Variants in CASZ1 observed in about 807,000 individuals in gnomAD.
The protein encoded by CASZ1 is zinc finger protein castor homolog 1.
In CASZ1, 28 loss-of-function variants were observed where a neutral mutation model predicts 135.2. The ratio of observed to expected loss-of-function variants is 0.21; its 90% CI spans 0.15 to 0.28. The LOEUF (loss-of-function observed/expected upper bound fraction) is 0.28, where lower values mean the gene tolerates loss of function less well. Among genes scored for constraint, CASZ1 ranks in the 10% least tolerant of loss-of-function variants. The pLI is 1.00. For missense variants in CASZ1, 2,161 were observed against 2,453.3 expected, an observed-to-expected ratio of 0.88 and a Z score of 2.52; for synonymous variants, 1,068 against 1,073.4, an observed-to-expected ratio of 0.99 and a Z score of 0.10.
In CASZ1 at chr1:10,767,742, C is replaced by T. The variant is rs1159482902; in HGVS notation, c.-233-6885G>A. Among the ~76,000 whole-genome samples the T allele has an allele frequency of 2.0e-5, 3 of 152,140 alleles. No individual in the cohort carries two copies. Among genetic ancestry groups the T allele is most frequent in the South Asian group, 4.1e-4 (2 of 4,824 alleles). On this transcript the variant is annotated intron_variant, in intron 1 of 20. Coordinates refer to ENST00000377022, the MANE Select transcript of CASZ1 (RefSeq NM_001079843.3). This position sits in a 1 kb window ranked among gnomAD's most constrained non-coding sequence, Gnocchi z 4.2. ...TGAAAATCTGAGCCATATTTTATGA[C>T]CCACTGCAAGCAGAAAGGGCCACAT...
chr1:10,715,045 GCACACGGGC>G (rs754225942), intron 2 of CASZ1, among the ~76,000 whole-genome samples: 12 of 152,216 alleles, frequency 7.9e-5, no homozygotes, highest in Non-Finnish European at 1.8e-4. Flanking sequence ...ACTTTAGGGA[GCACACGGGC>G]TCCACCTTTC....
In CASZ1 at chr1:10,694,025, C is replaced by T. The variant is rs1205000914; in HGVS notation, c.-23-113G>A. ...CCCCCGCCCCGCAGGAGCGGCCCGT[C>T]CCGGGCGGGCGCCGAGGCCGCGGCG... On this transcript the variant is annotated intron_variant, in intron 3 of 20. Transcript: ENST00000377022. This position sits in a 1 kb window ranked among gnomAD's most constrained non-coding sequence, Gnocchi z 6.6. The T allele has an allele frequency of 2.0e-6, 2 of 990,146 alleles. No individual in the cohort carries two copies. Among genetic ancestry groups the T allele is most frequent in the African/African-American group, 1.7e-5 (1 of 57,300 alleles). 61.3% of individuals were successfully genotyped at this position (990,146 alleles called of 1,614,324 possible). A position where few individuals can be genotyped will look rare whatever the true frequency, so the allele number is the denominator to read the frequency against.
chr1:10,671,496 C>T (rs1317490696), intron 4 of CASZ1, among the ~76,000 whole-genome samples: 1 of 152,202 alleles, frequency 6.6e-6, no homozygotes, highest in African/African-American at 2.4e-5. Context: ...GAGCCTAGGA[C>T]CCCCAGGGCT....
At chr1:10,656,436 T>C (rs1412541949) in intron 8 of CASZ1, among the ~76,000 whole-genome samples, 3 of 152,186 alleles carry the variant, frequency 2.0e-5, no homozygotes, top group Admixed American at 1.3e-4. Context: ...GGGAGGTCAC[T>C]GGCCCCCAAT....
At chr1:10,651,726 G>T (rs919848060) in intron 11 of CASZ1, 1 of 152,374 alleles carries the variant, frequency 6.6e-6, no homozygotes, top group Non-Finnish European at 1.5e-5. Context: ...GGGCCATCCA[G>T]CGAGCTTTCC....
At chr1:10,768,014 G>C (rs1412963758) in intron 1 of CASZ1, among the ~76,000 whole-genome samples, 1 of 152,214 alleles carries the variant, frequency 6.6e-6, no homozygotes, top group East Asian at 1.9e-4. Context: ...TCTTGACTGA[G>C]TCAGGGGCCT....
chr1:10,654,194 G>C lies in CASZ1; in HGVS notation c.1863C>G (p.Phe621Leu), dbSNP rs760582358. The C allele has an allele frequency of 6.2e-7, 1 of 1,614,096 alleles. No individual in the cohort carries two copies. Among genetic ancestry groups the C allele is most frequent in the Non-Finnish European group, 8.5e-7 (1 of 1,180,036 alleles). The change falls in exon 11 of 21, where the codon TTC becomes TTG. Residue 621 changes from phenylalanine to leucine, a missense_variant. Physicochemically the swap from Phe to Leu is conservative, Grantham distance 22. This residue lies in a region of CASZ1 where 248 missense variants were observed against 410.8 expected (regional missense o/e 0.60). Coordinates refer to ENST00000377022, the MANE Select transcript of CASZ1 (RefSeq NM_001079843.3). ...GCTTCTCGATGTCACACTTGTTCTT[G>C]AAAGTGAATGTGCAGCCGGGGCGCC... is the stretch of plus-strand genomic sequence containing the variant. ...HCRRPGCTFTFKNKCDIEKHK... is the reference protein window; with the variant it reads ...HCRRPGCTFTLKNKCDIEKHK...
At chr1:10,728,131 A>G (rs1639631390) in intron 2 of CASZ1, among the ~76,000 whole-genome samples, 1 of 152,188 alleles carries the variant, frequency 6.6e-6, no homozygotes, top group Admixed American at 6.5e-5. Flanking sequence ...TGCCTGCCAC[A>G]TACTGTGGGC....
At chr1:10,669,952 TC>T (rs1193350549) in intron 4 of CASZ1, among the ~76,000 whole-genome samples, 6 of 152,228 alleles carry the variant, frequency 3.9e-5, no homozygotes, top group Admixed American at 3.9e-4. Context: ...TCTAAACATT[TC>T]ACTCAGTGGA....
intron 2 of CASZ1, among the ~76,000 whole-genome samples, chr1:10,728,414 A>T (rs922090094): frequency 2.0e-5 from 3 of 152,166 alleles, no homozygotes; most frequent in Non-Finnish European, 4.4e-5. Context: ...ACTATCTAAA[A>T]ATGAAAATGA....
chr1:10,653,689 G>A lies in CASZ1; in HGVS notation c.2368C>T (p.Leu790Phe). The change falls in exon 11 of 21, where the codon CTC (leucine) becomes TTC (phenylalanine). Residue 790 changes from leucine (L) to phenylalanine (F), a missense_variant. Around this residue, in one of 7 missense-constraint regions of CASZ1, gnomAD observed 406 missense variants for 387.6 expected, o/e 1.05. Coordinates refer to ENST00000377022, the MANE Select transcript of CASZ1 (RefSeq NM_001079843.3). Reference sequence around the variant, plus strand: ...GGGGTGGGCAGGCCCGAGTTGGAGAGGGCCAGGGCCAGGGGGATTGAGCCA... The same window carrying A: ...GGGGTGGGCAGGCCCGAGTTGGAGAAGGCCAGGGCCAGGGGGATTGAGCCA... Reference protein sequence around the residue: ...LPGSIPLALALSNSGLPTPTP... With the variant: ...LPGSIPLALAFSNSGLPTPTP... The A allele has an allele frequency of 1.3e-6, 2 of 1,570,434 alleles. No homozygotes were observed. The highest frequency in any genetic ancestry group is 1.7e-6 in the Non-Finnish European group (2 of 1,158,682).
At chr1:10,751,224 C>A in intron 2 of CASZ1, among the ~76,000 whole-genome samples, 1 of 152,176 alleles carries the variant, frequency 6.6e-6, no homozygotes, top group Middle Eastern at 3.4e-3. Flanking sequence ...GAATCAAAAC[C>A]AGTGAGGACA....
At chr1:10,787,532 G>A (rs1480822132) in intron 1 of CASZ1, among the ~76,000 whole-genome samples, 4 of 152,230 alleles carry the variant, frequency 2.6e-5, no homozygotes, top group Admixed American at 2.6e-4. Context: ...GGGCGGAGCT[G>A]GAGACGCTGG....
At position 10,699,718 on chromosome 1, in the gene CASZ1, G is replaced by A. The variant is rs189938520; in HGVS notation, c.-24+5774C>T. On this transcript the variant is annotated intron_variant, in intron 3 of 20. Transcript: ENST00000377022. This position sits in a 1 kb window ranked among gnomAD's most constrained non-coding sequence, Gnocchi z 4.6. ...CCTCCACTTTGGAGGGAGAGAGAAG[G>A]AGGAAAAAACCCCAAACCAAAATCC... Among the ~76,000 whole-genome samples the A allele has an allele frequency of 3.0e-3, 464 of 152,186 alleles. 1 individual carries two copies. Among genetic ancestry groups the A allele is most frequent in the Non-Finnish European group, 5.5e-3 (372 of 68,000 alleles).
At chr1:10,642,001 T>C (rs1164227961) in intron 20 of CASZ1, 1 of 149,202 alleles carries the variant, frequency 6.7e-6, no homozygotes, top group Non-Finnish European at 1.5e-5. Context: ...TGGACAGCGG[T>C]GAGAAGGCAT....
chr1:10,694,584 C>CCGCCGCCGCCGCCG lies in CASZ1; in HGVS notation c.-23-673_-23-672insCGGCGGCGGCGGCG. On this transcript the variant is annotated intron_variant, in intron 3 of 20. Coordinates refer to ENST00000377022, the MANE Select transcript of CASZ1 (RefSeq NM_001079843.3). The surrounding 1 kb of genome is among the most constrained non-coding windows in gnomAD (Gnocchi z 6.6). Reference sequence around the variant, plus strand: ...GGCAGGTGAAAGAGCAGAGCGCGGCCCCGCCGCCGCCGCCGCCGCCGCCGC... The same window carrying CCGCCGCCGCCGCCG: ...GGCAGGTGAAAGAGCAGAGCGCGGCCCGCCGCCGCCGCCGCCGCCGCCGCCGCCGCCGCCGCCGC... 1 of 137,422 alleles carries CCGCCGCCGCCGCCG rather than the reference C, an allele frequency of 7.3e-6. No homozygotes were observed. Among genetic ancestry groups the CCGCCGCCGCCGCCG allele is most frequent in the Non-Finnish European group, 1.6e-5 (1 of 63,558 alleles). The allele number at this position is 137,422 out of a possible 1,614,324, so 8.5% of individuals were successfully genotyped here.
At chr1:10,708,696 G>T (rs975811713) in intron 2 of CASZ1, among the ~76,000 whole-genome samples, 1 of 152,064 alleles carries the variant, frequency 6.6e-6, no homozygotes, top group East Asian at 1.9e-4. Flanking sequence ...GCCCTGGGCT[G>T]GCTTCTGTTA....
chr1:10,714,377 T>C (rs886109358), intron 2 of CASZ1, among the ~76,000 whole-genome samples: 1 of 152,204 alleles, frequency 6.6e-6, no homozygotes, highest in African/African-American at 2.4e-5. Flanking sequence ...TTAAGCTCCC[T>C]GCCCGAGGCA....
At position 10,648,073 on chromosome 1, in the gene CASZ1, G is replaced by A. The variant is rs144021797; in HGVS notation, c.3225C>T (p.Ala1075=). Reference sequence around the variant, plus strand: ...GGGCCATGGGAGGTTTGGTCTCGGCGGCCGAGGCCGGAAAGGCAGCCTCTG... The same window carrying A: ...GGGCCATGGGAGGTTTGGTCTCGGCAGCCGAGGCCGGAAAGGCAGCCTCTG... ...GNTEAAFPAS[A]AETKPPMAPS... is the part of the protein sequence containing the mutation. The change falls in exon 16 of 21, where the codon GCC becomes GCT. Residue 1075 remains alanine (A), a synonymous_variant. Transcript: ENST00000377022. 3.2e-4 allele frequency: 505 copies of A among 1,586,452 alleles called. No homozygotes were observed. Among genetic ancestry groups the A allele is most frequent in the Non-Finnish European group, 3.5e-4 (406 of 1,167,046 alleles).
Sources: allele counts gnomAD v4.1 joint callset (sites outside exome capture counted in the v4.1 genomes callset), GRCh38; gene constraint gnomAD v4.1.1; regional missense constraint gnomAD v4.1.1; non-coding constraint Gnocchi (gnomAD v3.1); transcripts MANE v1.5; gene names NCBI Gene and HGNC (gene_info 2026-07-23, HGNC 2026-07-21).